The following ZKSCAN2 variants were observed in gnomAD, a reference collection of about 807,000 sequenced individuals.
ZKSCAN2 encodes the protein zinc finger protein with KRAB and SCAN domains 2.
A neutral mutation model predicts 90.5 loss-of-function variants in ZKSCAN2; 38 were observed. That is an observed-to-expected ratio of 0.42 (90% CI 0.32 to 0.55). The LOEUF is 0.55. Among genes scored for constraint, ZKSCAN2 ranks in the 20% least tolerant of loss-of-function variants. ZKSCAN2 has a pLI of 0.11. For synonymous variants in ZKSCAN2, 429 were observed against 421.6 expected, an observed-to-expected ratio of 1.02 and a Z score of -0.22; for missense variants, 1,167 against 1,202.6, an observed-to-expected ratio of 0.97 and a Z score of 0.44.
At chr16:25,241,590 C>T (rs1408724821) in intron 6 of ZKSCAN2, among the ~76,000 whole-genome samples, 3 of 152,254 alleles carry the variant, frequency 2.0e-5, no homozygotes, top group Non-Finnish European at 4.4e-5. Flanking sequence ...ATACTCCCTG[C>T]TCCCTCCATC....
At position 25,256,749 on chromosome 16, in the gene ZKSCAN2, T is replaced by C; in HGVS notation, c.379A>G (p.Thr127Ala). 1 of 1,612,868 alleles carries C rather than the reference T, an allele frequency of 6.2e-7. No homozygotes were observed. The highest frequency in any genetic ancestry group is 8.5e-7 in the Non-Finnish European group (1 of 1,179,532). The part of the protein sequence containing the change: ...VALVVHLEKE[T>A]GRLRQQVSSP... Reference sequence around the variant, plus strand: ...CTCACCTGCTGTCTTAGTCTTCCAGTCTCTTTCTCCAAATGCACTACCAGG... The same window carrying C: ...CTCACCTGCTGTCTTAGTCTTCCAGCCTCTTTCTCCAAATGCACTACCAGG... The change falls in exon 1 of 7, where the codon ACT (threonine) becomes GCT (alanine). Residue 127 changes from threonine to alanine, a missense_variant. Transcript: ENST00000328086.
At chr16:25,251,585 T>C (rs1963021610) in intron 4 of ZKSCAN2, among the ~76,000 whole-genome samples, 1 of 152,192 alleles carries the variant, frequency 6.6e-6, no homozygotes, top group African/African-American at 2.4e-5. Context: ...TACTTTACTT[T>C]GACCAGGGGA....
chr16:25,255,963 T>C (rs1401499249), intron 1 of ZKSCAN2, among the ~76,000 whole-genome samples: 3 of 152,226 alleles, frequency 2.0e-5, no homozygotes, highest in Admixed American at 2.0e-4. Flanking sequence ...AGATATTATT[T>C]GACTCTATAT....
In ZKSCAN2 at chr16:25,238,603, A is replaced by G. The variant is rs1260066322; in HGVS notation, c.*1213T>C. 5.3e-5 allele frequency: 8 copies of G among 152,206 alleles called. No homozygotes were observed. Among genetic ancestry groups the G allele is most frequent in the Non-Finnish European group, 7.3e-5 (5 of 68,040 alleles). 9.4% of individuals were successfully genotyped at this position (152,206 alleles called of 1,614,324 possible). A position where few individuals can be genotyped will look rare whatever the true frequency, so the allele number is the denominator to read the frequency against. On this transcript the variant is annotated 3_prime_UTR_variant, in exon 7 of 7. Transcript: ENST00000328086. ...TCCCACTTTTCACCCAGTGAGCTCT[A>G]GAGTTGTGTTAAGTTACTTGGCACA...
chr16:25,254,565 CATG>C (rs1415036589), intron 2 of ZKSCAN2, among the ~76,000 whole-genome samples: 3 of 152,220 alleles, frequency 2.0e-5, no homozygotes, highest in Non-Finnish European at 2.9e-5. Context: ...CTGAAAAACA[CATG>C]ATGATTGTAG....
chr16:25,256,051 CATCT>C (rs1277964949), intron 1 of ZKSCAN2, among the ~76,000 whole-genome samples: 1 of 152,194 alleles, frequency 6.6e-6, no homozygotes, highest in African/African-American at 2.4e-5. Flanking sequence ...TTAATATCCA[CATCT>C]ATCTGTCTAT....
intron 4 of ZKSCAN2, among the ~76,000 whole-genome samples, chr16:25,248,619 T>A (rs1962973934): frequency 6.6e-6 from 1 of 152,140 alleles, no homozygotes; most frequent in Admixed American, 6.5e-5. Flanking sequence ...TTTCATACCT[T>A]TCAGAATGGC....
chr16:25,251,161 C>T (rs1963015662), intron 4 of ZKSCAN2, among the ~76,000 whole-genome samples: 1 of 151,932 alleles, frequency 6.6e-6, no homozygotes, highest in Non-Finnish European at 1.5e-5. Context: ...CTTACAGGAA[C>T]CCACAAATAC....
chr16:25,236,140 G>A lies in ZKSCAN2; in HGVS notation c.*3676C>T, dbSNP rs1016274535. 1 of 152,172 alleles carries A rather than the reference G, an allele frequency of 6.6e-6. No individual in the cohort carries two copies. Among genetic ancestry groups the A allele is most frequent in the Admixed American group, 6.5e-5 (1 of 15,278 alleles). The allele number at this position is 152,172 out of a possible 1,614,324, so 9.4% of individuals were successfully genotyped here. A position where few individuals can be genotyped will look rare whatever the true frequency, so the allele number is the denominator to read the frequency against. On this transcript the variant is annotated 3_prime_UTR_variant, in exon 7 of 7. Transcript: ENST00000328086. The stretch of plus-strand genomic sequence containing the variant: ...ACCAGGTCTTGGAATGCATTCAGAG[G>A]CAGAGGCTTCCAGTTTCACAAGTTA...
intron 4 of ZKSCAN2, among the ~76,000 whole-genome samples, chr16:25,249,009 T>C (rs1962979187): frequency 1.3e-5 from 2 of 152,210 alleles, no homozygotes; most frequent in African/African-American, 2.4e-5. Context: ...GAGAACATTA[T>C]GTTAACTAAG....
chr16:25,240,171 T>C lies in ZKSCAN2; in HGVS notation c.2549A>G (p.Gln850Arg), dbSNP rs760615283. ...GGGCTTCTCACCGGTGTGCGTTCTC[T>C]GATGTATAATAAGACTAGAGCTCTG... ...FSQSSSLIIH[Q>R]RTHTGEKPYQ... Residue 850 changes from glutamine (Q) to arginine (R), a missense_variant, in exon 7 of 7, where the codon CAG becomes CGG. Transcript: ENST00000328086. The C allele has an allele frequency of 2.0e-5, 32 of 1,614,054 alleles. No homozygotes were observed. The Admixed American group carries it at 4.8e-4, about 24-fold the overall frequency.
At chr16:25,242,498 AGGAGCTCACCATGTCT>A (rs1555489425) in intron 6 of ZKSCAN2, among the ~76,000 whole-genome samples, 1 of 152,220 alleles carries the variant, frequency 6.6e-6, no homozygotes, top group Non-Finnish European at 1.5e-5. Context: ...CCTGTCCTTC[AGGAGCTCACCATGTCT>A]GGGAGATCTT....
chr16:25,240,514 C>T lies in ZKSCAN2; in HGVS notation c.2206G>A (p.Val736Ile), dbSNP rs370464579. ...CCCACAAAAGGCCTCTGATGCACAACGGCTTTCCCTAAATCTCTAGGCTGA... is the reference window on the plus strand; with the variant it reads ...CCCACAAAAGGCCTCTGATGCACAATGGCTTTCCCTAAATCTCTAGGCTGA... ...MSQPRDLGKA[V>I]VHQRPFVGKR... The change falls in exon 7 of 7, where the codon GTT becomes ATT. Residue 736 changes from valine to isoleucine, a missense_variant. By Grantham distance (29) the Val-to-Ile change is conservative. Transcript: ENST00000328086. 16 of 1,614,048 alleles carry T rather than the reference C, an allele frequency of 9.9e-6. No individual in the cohort carries two copies. Among genetic ancestry groups the T allele is most frequent in the African/African-American group, 1.3e-5 (1 of 74,920 alleles).
Position 25,244,054 on chromosome 16 carries a change from T to G in ZKSCAN2, c.1712A>C (p.Glu571Ala). The change falls in exon 6 of 7, where the codon GAG (glutamate) becomes GCG (alanine). Residue 571 changes from glutamate (E) to alanine (A), a missense_variant. By Grantham distance (107) the Glu-to-Ala change is moderately radical (BLOSUM62 -1). Coordinates refer to ENST00000328086, the MANE Select transcript of ZKSCAN2 (RefSeq NM_001012981.5). ...YRKVKNGHVL[E>A]SCAFYKEMDA... Reference sequence around the variant, plus strand: ...CATCTCCTTGTAGAACGCGCAGGACTCTAGCACGTGGCCATTTTTCACCTT... The same window carrying G: ...CATCTCCTTGTAGAACGCGCAGGACGCTAGCACGTGGCCATTTTTCACCTT... 6.2e-7 allele frequency: 1 copy of G among 1,614,196 alleles called. No individual in the cohort carries two copies. The highest frequency in any genetic ancestry group is 8.5e-7 in the Non-Finnish European group (1 of 1,180,042).
intron 5 of ZKSCAN2, among the ~76,000 whole-genome samples, chr16:25,245,313 C>T (rs1380514404): frequency 1.3e-5 from 2 of 152,136 alleles, no homozygotes; most frequent in Admixed American, 1.3e-4. Context: ...CTGTGTTGCC[C>T]AGCTGCTCTC....
chr16:25,256,996 G>T lies in ZKSCAN2; in HGVS notation c.132C>A (p.Phe44Leu). The T allele has an allele frequency of 6.2e-7, 1 of 1,614,198 alleles. No homozygotes were observed. The highest frequency in any genetic ancestry group is 1.1e-5 in the South Asian group (1 of 91,090). ...ILEGSDSSET[F>L]RKCFRQFCYE... ...AACAGAATTGCCTGAAGCATTTGCGGAAGGTCTCAGAGCTATCCGATCCTT... is the reference window on the plus strand; with the variant it reads ...AACAGAATTGCCTGAAGCATTTGCGTAAGGTCTCAGAGCTATCCGATCCTT... The change falls in exon 1 of 7, where the codon TTC becomes TTA. Residue 44 changes from phenylalanine (F) to leucine (L), a missense_variant. Transcript: ENST00000328086.
chr16:25,242,631 G>A (rs1401685362), intron 6 of ZKSCAN2, among the ~76,000 whole-genome samples: 3 of 152,206 alleles, frequency 2.0e-5, no homozygotes, highest in African/African-American at 4.8e-5. Flanking sequence ...AAGGTGGAGG[G>A]AACATCGCAA....
At position 25,240,049 on chromosome 16, in the gene ZKSCAN2, C is replaced by G; in HGVS notation, c.2671G>C (p.Asp891His). 6.2e-7 allele frequency: 1 copy of G among 1,613,946 alleles called. No individual in the cohort carries two copies. Among genetic ancestry groups the G allele is most frequent in the Non-Finnish European group, 8.5e-7 (1 of 1,179,992 alleles). Residue 891 changes from aspartate to histidine, a missense_variant, in exon 7 of 7, where the codon GAC becomes CAC. By Grantham distance (81) the Asp-to-His change is moderately conservative. Coordinates refer to ENST00000328086, the MANE Select transcript of ZKSCAN2 (RefSeq NM_001012981.5). ...HTGENPYKCV[D>H]CEKSFNNCTR... is the part of the protein sequence containing the mutation. ...CAGTTATTGAAACTTTTTTCACAGTCCACACATTTGTAGGGATTCTCCCCA... is the reference window on the plus strand; with the variant it reads ...CAGTTATTGAAACTTTTTTCACAGTGCACACATTTGTAGGGATTCTCCCCA...
chr16:25,255,615 T>C (rs4787703), intron 1 of ZKSCAN2, among the ~76,000 whole-genome samples: 64,151 of 152,046 alleles, frequency 0.42, 14,321 homozygotes, highest in African/African-American at 0.56. Flanking sequence ...GAGTTTCACT[T>C]TTGTTGCCCA....
Sources: allele counts gnomAD v4.1 joint callset (sites outside exome capture counted in the v4.1 genomes callset), GRCh38; gene constraint gnomAD v4.1.1; transcripts MANE v1.5; gene names NCBI Gene and HGNC (gene_info 2026-07-23, HGNC 2026-07-21).